PRDM15: variants seen among roughly 807,000 people sequenced by gnomAD.
The protein encoded by PRDM15 is PR domain zinc finger protein 15.
A neutral mutation model predicts 128.6 loss-of-function variants in PRDM15; 64 were observed. The ratio of observed to expected loss-of-function variants is 0.50; its 90% confidence interval spans 0.41 to 0.61. The LOEUF (loss-of-function observed/expected upper bound fraction) is 0.61, where lower values mean the gene tolerates loss of function less well. Ranked by LOEUF, PRDM15 falls within the 20% of genes least tolerant of loss-of-function variation. PRDM15 has a pLI of 0.00. For missense variants in PRDM15, 1,242 were observed against 1,569.1 expected (o/e 0.79, Z 3.52); for synonymous variants, 615 against 621.8 (o/e 0.99, Z 0.16).
At chr21:41,874,969 G>A (rs2064358159) in intron 1 of PRDM15, 1 of 152,488 alleles carries the variant, frequency 6.6e-6, no homozygotes, top group Admixed American at 6.5e-5. Context: ...CTCCAGGACA[G>A]GCTGACACCT....
Position 41,849,789 on chromosome 21 carries a change from T to G in PRDM15, c.539-2598A>C, listed in dbSNP as rs142552248. ...CCATCTCTACTAAAAATAAAAAAAT[T>G]AGCTGGGCATGATGGTACATGCCTG... On this transcript the variant is annotated intron_variant, in intron 5 of 23. Transcript: ENST00000398548. 2.9e-3 allele frequency among the ~76,000 whole-genome samples: 447 copies of G among 151,792 alleles called. 3 individuals are homozygous for G. Among genetic ancestry groups the G allele is most frequent in the African/African-American group, 0.01 (424 of 41,396 alleles).
At chr21:41,836,436 C>A (rs1050146546) in intron 9 of PRDM15, 32 bp downstream of exon 9, 4 of 1,588,378 alleles carry the variant, frequency 2.5e-6, no homozygotes, top group Non-Finnish European at 2.6e-6. Flanking sequence ...CTGGCCCTGG[C>A]CCCGGGCGCC....
Position 41,815,861 on chromosome 21 carries a change from G to A in PRDM15, c.2261-25C>T, listed in dbSNP as rs765617481. On this transcript the variant is annotated intron_variant, in intron 18 of 23. Coordinates refer to ENST00000398548, the MANE Select transcript of PRDM15 (RefSeq NM_001040424.3). The stretch of plus-strand genomic sequence containing the variant: ...CCTTCAAGGACACAGCGAGTCAGAG[G>A]CGGCCACACCCCCACGCAGCCCACC... 3 of 1,610,156 alleles carry A rather than the reference G, an allele frequency of 1.9e-6. No individual in the cohort carries two copies. In the South Asian group the frequency reaches 3.3e-5, roughly 18 times the overall value.
At position 41,802,934 on chromosome 21, in the gene PRDM15, C is replaced by T. The variant is rs758797130; in HGVS notation, c.2734-13G>A. On this transcript the variant is annotated splice_polypyrimidine_tract_variant and intron_variant, in intron 22 of 23. Coordinates refer to ENST00000398548, the MANE Select transcript of PRDM15 (RefSeq NM_001040424.3). The stretch of plus-strand genomic sequence containing the variant: ...GAGTCAGCTCAGGCTGCAGAAAAAT[C>T]GGTTTCAGCCGAGAACCAGGTTAGT... 7.3e-5 allele frequency: 117 copies of T among 1,612,124 alleles called. 2 individuals are homozygous for T. In the South Asian group the frequency reaches 9.9e-4, roughly 14 times the overall value.
chr21:41,805,834 C>T (rs1299968000), intron 21 of PRDM15, among the ~76,000 whole-genome samples: 1 of 150,648 alleles, frequency 6.6e-6, no homozygotes, highest in Non-Finnish European at 1.5e-5. Context: ...AACACCATCA[C>T]CACCAACACA....
At chr21:41,817,826 A>C (rs2062104730) in intron 18 of PRDM15, among the ~76,000 whole-genome samples, 1 of 152,266 alleles carries the variant, frequency 6.6e-6, no homozygotes, top group Admixed American at 6.5e-5. Context: ...CTGTAAAATA[A>C]ATCTGGCAAC....
Position 41,862,064 on chromosome 21 carries a change from G to A in PRDM15, c.-9-1692C>T. 1 of 1,273,576 alleles carries A rather than the reference G, an allele frequency of 7.9e-7. No individual in the cohort carries two copies. The highest frequency in any genetic ancestry group is 1.1e-6 in the Non-Finnish European group (1 of 881,176). The allele number at this position is 1,273,576 out of a possible 1,614,324, so 78.9% of individuals were successfully genotyped here. A position where few individuals can be genotyped will look rare whatever the true frequency, so the allele number is the denominator to read the frequency against. ...CCAGTCTGGGATGGGGGCTCAGCTG[G>A]GCAGTGAGCAGGAGATGAACAGGAC... On this transcript the variant is annotated intron_variant, in intron 1 of 23. Coordinates refer to ENST00000398548, the MANE Select transcript of PRDM15 (RefSeq NM_001040424.3). The surrounding 1 kb of genome is among the most constrained non-coding windows in gnomAD (Gnocchi z 4.1).
In PRDM15 at chr21:41,828,210, T is replaced by TAGA; in HGVS notation, c.1487_1489dup (p.Phe496dup). The TAGA allele has an allele frequency of 6.2e-7, 1 of 1,614,004 alleles. No individual in the cohort carries two copies. The highest frequency in any genetic ancestry group is 8.5e-7 in the Non-Finnish European group (1 of 1,179,980). ...GTGGTCCAGCATGACGTCCTTGCGGTAGAACATCTTGCTGCAGACCTCACA... is the reference window on the plus strand; with the variant it reads ...GTGGTCCAGCATGACGTCCTTGCGGTAGAAGAACATCTTGCTGCAGACCTCACA... On this transcript the variant is annotated inframe_insertion, in exon 12 of 24. Coordinates refer to ENST00000398548, the MANE Select transcript of PRDM15 (RefSeq NM_001040424.3). The surrounding 1 kb of genome is among the most constrained non-coding windows in gnomAD (Gnocchi z 5.7).
chr21:41,829,310 AATAAT>A (rs1365938597), intron 11 of PRDM15, among the ~76,000 whole-genome samples: 1 of 150,272 alleles, frequency 6.7e-6, no homozygotes, highest in African/African-American at 2.4e-5. Context: ...ATACCACACA[AATAAT>A]ATACTCAACA....
Position 41,810,126 on chromosome 21 carries a change from C to A in PRDM15, c.2652+28G>T. 6.3e-7 allele frequency: 1 copy of A among 1,587,758 alleles called. No homozygotes were observed. The stretch of plus-strand genomic sequence containing the variant: ...TCCGGTGCGCGGCCCGCTGGCGGGG[C>A]ACGGAGGGGGCACAGCCACCAGCTC... On this transcript the variant is annotated intron_variant, in intron 21 of 23. Transcript: ENST00000398548. This position sits in a 1 kb window ranked among gnomAD's most constrained non-coding sequence, Gnocchi z 6.4.
chr21:41,878,843 G>GT, intron 1 of PRDM15: 2 of 853,484 alleles, frequency 2.3e-6, no homozygotes, highest in Non-Finnish European at 1.3e-6. Flanking sequence ...GGGGCCGCGG[G>GT]CCGGGGCGGC....
Position 41,879,211 on chromosome 21 carries a change from C to T in PRDM15, c.-10+59G>A. 1.3e-6 allele frequency: 1 copy of T among 787,618 alleles called. No individual in the cohort carries two copies. Among genetic ancestry groups the T allele is most frequent in the Non-Finnish European group, 1.5e-6 (1 of 652,404 alleles). The allele number at this position is 787,618 out of a possible 1,614,324, so 48.8% of individuals were successfully genotyped here. ...GGGCTCGCGGGGGCAGCGGGTGCGG[C>T]CCGGGGCCGGCGGGGCGCACGCCGG... On this transcript the variant is annotated intron_variant, in intron 1 of 23. Coordinates refer to ENST00000398548, the MANE Select transcript of PRDM15 (RefSeq NM_001040424.3). The surrounding 1 kb of genome is among the most constrained non-coding windows in gnomAD (Gnocchi z 5.1).
At chr21:41,833,007 A>G (rs2839385) in intron 11 of PRDM15, among the ~76,000 whole-genome samples, 26,401 of 152,028 alleles carry the variant, frequency 0.17, 3,505 homozygotes, top group African/African-American at 0.37. Flanking sequence ...CGCCGAGGGG[A>G]TCTAGGTTTA....
chr21:41,815,787 G>A lies in PRDM15; in HGVS notation c.2310C>T (p.Gly770=). 3.1e-6 allele frequency: 5 copies of A among 1,614,072 alleles called. No individual in the cohort carries two copies. Among genetic ancestry groups the A allele is most frequent in the Non-Finnish European group, 4.2e-6 (5 of 1,179,962 alleles). ...ALRHHMKLHK[G]IKEYECKECH... is the part of the protein sequence containing the mutation. ...ACTCCTTGCACTCGTACTCCTTGAT[G>A]CCCTTGTGCAGCTTCATGTGGTGGC... Residue 770 remains glycine (G), a synonymous_variant, in exon 19 of 24, where the codon GGC becomes GGT. Coordinates refer to ENST00000398548, the MANE Select transcript of PRDM15 (RefSeq NM_001040424.3).
Position 41,838,534 on chromosome 21 carries a change from A to C in PRDM15, c.872-471T>G, listed in dbSNP as rs1311358074. Among the ~76,000 whole-genome samples, 3 of 152,374 alleles carry C rather than the reference A, an allele frequency of 2.0e-5. No individual in the cohort carries two copies. In the East Asian group the frequency reaches 5.8e-4, roughly 29 times the overall value. On this transcript the variant is annotated intron_variant, in intron 7 of 23. Coordinates refer to ENST00000398548, the MANE Select transcript of PRDM15 (RefSeq NM_001040424.3). ...GCCAATACTGGAGACCCTGGCCAGAAACCCAAGATAAATGAAATAGGGGAA... is the reference window on the plus strand; with the variant it reads ...GCCAATACTGGAGACCCTGGCCAGACACCCAAGATAAATGAAATAGGGGAA...
chr21:41,870,444 G>A (rs114284389), intron 1 of PRDM15, among the ~76,000 whole-genome samples: 2,325 of 152,110 alleles, frequency 0.015, 65 homozygotes, highest in African/African-American at 0.053. Flanking sequence ...ACACGGCCTC[G>A]TGACAATATT....
At chr21:41,846,688 C>A (rs1049318715) in intron 6 of PRDM15, among the ~76,000 whole-genome samples, 2 of 152,178 alleles carry the variant, frequency 1.3e-5, no homozygotes, top group Non-Finnish European at 2.9e-5. Context: ...CAGAGCCAGA[C>A]CTTGTCTCAA....
intron 1 of PRDM15, among the ~76,000 whole-genome samples, chr21:41,876,827 C>T (rs1287293201): frequency 1.3e-5 from 2 of 152,208 alleles, no homozygotes; most frequent in African/African-American, 4.8e-5. Flanking sequence ...CTCTGTCCTG[C>T]CCCATCTCCC....
intron 5 of PRDM15, among the ~76,000 whole-genome samples, chr21:41,851,450 G>A (rs1001592583): frequency 6.6e-6 from 1 of 152,244 alleles, no homozygotes; most frequent in South Asian, 2.1e-4. Context: ...TGGGCGGGCA[G>A]GGCTCTAGAA....
Sources: gnomAD v4.1 joint callset for allele counts (sites outside exome capture counted in the v4.1 genomes callset) on GRCh38, gnomAD v4.1.1 for gene constraint, Gnocchi (gnomAD v3.1) non-coding constraint, MANE v1.5 for transcripts, NCBI Gene and HGNC (gene_info 2026-07-23, HGNC 2026-07-21) for gene names.